PABPC4L: variants seen among roughly 807,000 people sequenced by gnomAD.
The protein encoded by PABPC4L is polyadenylate-binding protein 4-like.
For synonymous variants in PABPC4L, 169 were observed against 164.1 expected, an observed-to-expected ratio of 1.03 and a Z score of -0.23; for missense variants, 452 against 451.4, an observed-to-expected ratio of 1.00 and a Z score of -0.01.
the PABPC4L span, among the ~76,000 whole-genome samples, chr4:134,074,009 G>A: frequency 6.6e-6 from 1 of 152,164 alleles, no homozygotes; most frequent in Non-Finnish European, 1.5e-5. Context: ...ACATGCCCTG[G>A]AGACATTTTC....
chr4:134,015,939 T>G, the PABPC4L span, among the ~76,000 whole-genome samples: 2 of 152,302 alleles, frequency 1.3e-5, no homozygotes, highest in East Asian at 3.9e-4. Flanking sequence ...ATATACTTTC[T>G]GCTTCCTGGC....
At chr4:134,122,586 A>G in the PABPC4L span, among the ~76,000 whole-genome samples, 102 of 151,966 alleles carry the variant, frequency 6.7e-4, no homozygotes, top group African/African-American at 2.3e-3. Context: ...AATGCATTCA[A>G]AATGTTGAAA....
At chr4:133,952,922 C>T in the PABPC4L span, among the ~76,000 whole-genome samples, 2,730 of 152,222 alleles carry the variant, frequency 0.018, 74 homozygotes, top group African/African-American at 0.061. Flanking sequence ...CCCTTCACCC[C>T]GATACTGTTA....
the PABPC4L span, among the ~76,000 whole-genome samples, chr4:134,102,494 T>G: frequency 1.3e-5 from 2 of 151,408 alleles, no homozygotes; most frequent in Admixed American, 1.3e-4. Flanking sequence ...TTTAAAAAGT[T>G]TCTCAGGTAA....
At chr4:134,143,380 G>C in the PABPC4L span, among the ~76,000 whole-genome samples, 1 of 149,512 alleles carries the variant, frequency 6.7e-6, no homozygotes, top group Non-Finnish European at 1.5e-5. Context: ...ATGTAATTGT[G>C]TATATATATT....
chr4:133,979,810 G>A, the PABPC4L span, among the ~76,000 whole-genome samples: 1 of 151,776 alleles, frequency 6.6e-6, no homozygotes, highest in Non-Finnish European at 1.5e-5. Context: ...TATTAATTTT[G>A]GCATGAATTT....
the PABPC4L span, among the ~76,000 whole-genome samples, chr4:134,021,015 A>G: frequency 6.6e-6 from 1 of 152,128 alleles, no homozygotes; most frequent in South Asian, 2.1e-4. Flanking sequence ...TTGTTCTTCT[A>G]AGTTGAACTA....
At chr4:134,052,283 T>C in the PABPC4L span, among the ~76,000 whole-genome samples, 8 of 152,040 alleles carry the variant, frequency 5.3e-5, no homozygotes, top group Non-Finnish European at 1.2e-4. Flanking sequence ...AAATTTAAAG[T>C]TTAATTTATC....
At chr4:134,193,132 T>G (rs1388575291), downstream of PABPC4L, among the ~76,000 whole-genome samples, 4 of 152,186 alleles carry the variant, frequency 2.6e-5, no homozygotes, top group East Asian at 3.9e-4. Flanking sequence ...CCGTAGTGTA[T>G]GCACTTTGTA....
At chr4:133,948,673 C>A in the PABPC4L span, among the ~76,000 whole-genome samples, 2 of 152,192 alleles carry the variant, frequency 1.3e-5, no homozygotes, top group Non-Finnish European at 2.9e-5. Context: ...ATAGAGCCAA[C>A]ATACAACACA....
At chr4:134,201,382 A>G in intron 1 of PABPC4L, 137 bp from the exon 2 acceptor site, 1 of 1,021,216 alleles carries the variant, frequency 9.8e-7, no homozygotes, top group Non-Finnish European at 1.3e-6. Flanking sequence ...CTGAATAAAA[A>G]TAGGCCTCGC....
the PABPC4L span, among the ~76,000 whole-genome samples, chr4:134,165,514 T>C: frequency 5.3e-5 from 8 of 151,952 alleles, no homozygotes; most frequent in Non-Finnish European, 1.0e-4. Flanking sequence ...GATACACAAA[T>C]GATCAATAAA....
the PABPC4L span, among the ~76,000 whole-genome samples, chr4:134,093,415 A>T: frequency 6.6e-6 from 1 of 151,594 alleles, no homozygotes; most frequent in Non-Finnish European, 1.5e-5. Context: ...CTTTTCATCC[A>T]AGAGTTGTTT....
chr4:134,175,211 T>C, the PABPC4L span, among the ~76,000 whole-genome samples: 958 of 152,240 alleles, frequency 6.3e-3, 7 homozygotes, highest in African/African-American at 0.022. Context: ...TCTTAACAGA[T>C]ATAAAAAGTA....
the PABPC4L span, among the ~76,000 whole-genome samples, chr4:134,154,424 C>T: frequency 6.6e-6 from 1 of 151,924 alleles, no homozygotes; most frequent in South Asian, 2.1e-4. Flanking sequence ...CCACTGACCT[C>T]CAGCCTGGGC....
At chr4:134,053,863 T>C in the PABPC4L span, among the ~76,000 whole-genome samples, 1 of 152,000 alleles carries the variant, frequency 6.6e-6, no homozygotes, top group Admixed American at 6.6e-5. Context: ...CGAAAAGTAA[T>C]TCTGAGTCTA....
chr4:134,123,817 A>T, the PABPC4L span, among the ~76,000 whole-genome samples: 2 of 146,526 alleles, frequency 1.4e-5, no homozygotes, highest in African/African-American at 5.0e-5. Flanking sequence ...GGTAGTTCTT[A>T]AAAAAAAAAA....
chr4:133,980,795 G>A, the PABPC4L span, among the ~76,000 whole-genome samples: 9 of 152,246 alleles, frequency 5.9e-5, no homozygotes, highest in East Asian at 1.7e-3. Flanking sequence ...AATGTAGCTA[G>A]CCTCGAAATA....
chr4:134,174,919 G>T, the PABPC4L span, among the ~76,000 whole-genome samples: 1,277 of 152,138 alleles, frequency 8.4e-3, 19 homozygotes, highest in African/African-American at 0.029. Context: ...TGAAATAGTA[G>T]GGTAAATTTT....
Sources: gnomAD v4.1 joint callset for allele counts (sites outside exome capture counted in the v4.1 genomes callset) on GRCh38, gnomAD v4.1.1 for gene constraint, MANE v1.5 for transcripts, NCBI Gene and HGNC (gene_info 2026-07-23, HGNC 2026-07-21) for gene names.